The following MYO1E variants were observed in gnomAD, a reference collection of about 807,000 sequenced individuals.
MYO1E encodes the protein myosin IE.
In MYO1E, 68 loss-of-function variants were observed where a neutral mutation model predicts 151.1. That is an observed-to-expected ratio of 0.45 (90% CI 0.37 to 0.55). MYO1E has a LOEUF of 0.55. Ranked by LOEUF, MYO1E falls within the 20% of genes least tolerant of loss-of-function variation. The pLI is 0.00. For synonymous variants in MYO1E, 601 were observed against 501.7 expected (o/e 1.20, Z -2.64); for missense variants, 1,363 against 1,389.3 (o/e 0.98, Z 0.30).
intron 1 of MYO1E, among the ~76,000 whole-genome samples, chr15:59,286,895 C>T (rs1453086453): frequency 6.6e-6 from 1 of 151,782 alleles, no homozygotes; most frequent in African/African-American, 2.4e-5. Flanking sequence ...GATCTCAGAC[C>T]ACAGCTGGTT....
intron 1 of MYO1E, among the ~76,000 whole-genome samples, chr15:59,296,165 T>G (rs1436060031): frequency 6.6e-6 from 1 of 152,140 alleles, no homozygotes; most frequent in African/African-American, 2.4e-5. Flanking sequence ...GCAAGAGACA[T>G]CACGCTGTGG....
At chr15:59,207,551 A>G (rs112956314) in intron 14 of MYO1E, 2 of 1,614,096 alleles carry the variant, frequency 1.2e-6, no homozygotes, top group African/African-American at 2.7e-5. Context: ...GCATTTCCCA[A>G]AAACCGTATT....
At chr15:59,304,086 G>A (rs1304129581) in intron 1 of MYO1E, among the ~76,000 whole-genome samples, 1 of 150,712 alleles carries the variant, frequency 6.6e-6, no homozygotes, top group Non-Finnish European at 1.5e-5. Flanking sequence ...GGGTTCAAGC[G>A]ATTCTCCTGC....
intron 4 of MYO1E, among the ~76,000 whole-genome samples, chr15:59,249,125 T>G (rs1442165709): frequency 6.6e-6 from 1 of 151,838 alleles, no homozygotes; most frequent in Non-Finnish European, 1.5e-5. Context: ...ATTTATTTCT[T>G]TCAAAATCCA....
chr15:59,176,749 G>A (rs1384005743), intron 19 of MYO1E, among the ~76,000 whole-genome samples: 1 of 152,144 alleles, frequency 6.6e-6, no homozygotes, highest in African/African-American at 2.4e-5. Flanking sequence ...GAGCCACTGT[G>A]CCCAGCCAGA....
At chr15:59,317,740 C>T (rs74017724) in intron 1 of MYO1E, among the ~76,000 whole-genome samples, 1,762 of 152,148 alleles carry the variant, frequency 0.012, 31 homozygotes, top group African/African-American at 0.04. Flanking sequence ...CTTGTCAGGG[C>T]CTAGGGGTGC....
chr15:59,311,739 GA>G (rs2080553605), intron 1 of MYO1E, among the ~76,000 whole-genome samples: 1 of 152,140 alleles, frequency 6.6e-6, no homozygotes. Context: ...GCTGAAGGTA[GA>G]AAAAGGGGGA....
At chr15:59,214,545 T>G (rs2079901728) in intron 11 of MYO1E, 95 bp downstream of exon 11, 3 of 1,249,252 alleles carry the variant, frequency 2.4e-6, no homozygotes, top group Middle Eastern at 1.9e-4. Flanking sequence ...GTTTGTTTTC[T>G]GTTTTTTTGT....
At chr15:59,272,085 T>C (rs1168509049) in intron 2 of MYO1E, among the ~76,000 whole-genome samples, 3 of 152,208 alleles carry the variant, frequency 2.0e-5, no homozygotes, top group Non-Finnish European at 4.4e-5. Flanking sequence ...AGATAGCTCT[T>C]CTCAAGCCAG....
chr15:59,279,658 C>A (rs2140388030), intron 1 of MYO1E, among the ~76,000 whole-genome samples: 1 of 152,318 alleles, frequency 6.6e-6, no homozygotes, highest in African/African-American at 2.4e-5. Context: ...CAAACCACCC[C>A]CAATCCTTTT....
intron 9 of MYO1E, among the ~76,000 whole-genome samples, chr15:59,221,014 A>G (rs2079952321): frequency 6.9e-6 from 1 of 145,244 alleles, no homozygotes; most frequent in African/African-American, 2.5e-5. Flanking sequence ...TATATAATAT[A>G]TATATAAAAT....
intron 1 of MYO1E, among the ~76,000 whole-genome samples, chr15:59,337,590 G>A (rs2080737082): frequency 6.6e-6 from 1 of 152,162 alleles, no homozygotes; most frequent in Non-Finnish European, 1.5e-5. Flanking sequence ...CAGCACTTTG[G>A]GCAGCCAAGG....
intron 4 of MYO1E, among the ~76,000 whole-genome samples, chr15:59,238,702 T>A (rs1265150754): frequency 6.6e-6 from 1 of 151,856 alleles, no homozygotes; most frequent in Non-Finnish European, 1.5e-5. Context: ...CTCCCAAGTA[T>A]CTGGGATTAC....
chr15:59,372,395 C>T (rs1443566726), intron 1 of MYO1E, 103 bp downstream of exon 1: 4 of 1,415,938 alleles, frequency 2.8e-6, no homozygotes, highest in Admixed American at 2.0e-5. Context: ...TCCACCTTCT[C>T]CACCCCTGGC....
At chr15:59,335,626 C>A (rs2080723560) in intron 1 of MYO1E, among the ~76,000 whole-genome samples, 1 of 152,174 alleles carries the variant, frequency 6.6e-6, no homozygotes, top group South Asian at 2.1e-4. Flanking sequence ...TGAAGTCCCC[C>A]ACCTGTTTTC....
At chr15:59,333,355 C>T (rs542066013) in intron 1 of MYO1E, among the ~76,000 whole-genome samples, 2 of 152,270 alleles carry the variant, frequency 1.3e-5, no homozygotes, top group African/African-American at 2.4e-5. Flanking sequence ...TCCTCCACCA[C>T]AGCAACCCCC....
At chr15:59,333,367 G>C (rs2080709366) in intron 1 of MYO1E, among the ~76,000 whole-genome samples, 1 of 152,056 alleles carries the variant, frequency 6.6e-6, no homozygotes, top group Non-Finnish European at 1.5e-5. Flanking sequence ...GCAACCCCCG[G>C]AGTAGCTGGG....
intron 17 of MYO1E, among the ~76,000 whole-genome samples, chr15:59,192,429 G>A (rs1159916966): frequency 6.6e-6 from 1 of 152,092 alleles, no homozygotes; most frequent in Non-Finnish European, 1.5e-5. Context: ...TTACAAGGAA[G>A]TAGCATCAGG....
At chr15:59,341,969 C>G (rs78226686) in intron 1 of MYO1E, among the ~76,000 whole-genome samples, 6,663 of 152,242 alleles carry the variant, frequency 0.044, 340 homozygotes, top group African/African-American at 0.12. Flanking sequence ...TGGCTATACT[C>G]ATTTATATTT....
Sources: allele counts gnomAD v4.1 joint callset (sites outside exome capture counted in the v4.1 genomes callset), GRCh38; gene constraint gnomAD v4.1.1; transcripts MANE v1.5; gene names NCBI Gene and HGNC (gene_info 2026-07-23, HGNC 2026-07-21).